Variants in DUOX1 observed in about 807,000 individuals in gnomAD.
DUOX1 encodes the protein NADPH thyroid oxidase 1.
In DUOX1, 134 loss-of-function variants were observed where a neutral mutation model predicts 181.8. The observed-to-expected ratio is 0.74, with a 90% CI of 0.64 to 0.85. DUOX1 has a LOEUF of 0.85. Ranked by LOEUF, DUOX1 falls within the 40% of genes least tolerant of loss-of-function variation. The pLI, the probability that DUOX1 is intolerant of heterozygous loss-of-function variation, is 0.00. For missense variants in DUOX1, 1,814 were observed against 2,064.4 expected, an observed-to-expected ratio of 0.88 and a Z score of 2.35; for synonymous variants, 798 against 832.5, an observed-to-expected ratio of 0.96 and a Z score of 0.71.
chr15:45,135,144 C>T lies in DUOX1; in HGVS notation c.348C>T (p.Pro116=), dbSNP rs776775970. ...CAGACCTGGTGAGCGTGGAAACTCC[C>T]GGCTGCCCCGCCGAGTTCCTCAACA... ...VLSDLVSVET[P]GCPAEFLNIR... is the part of the protein sequence containing the mutation. The change falls in exon 5 of 34, where the codon CCC becomes CCT. Residue 116 remains proline (P), a synonymous_variant. Coordinates refer to ENST00000389037, the MANE Select transcript of DUOX1 (RefSeq NM_175940.3). 1.2e-5 allele frequency: 20 copies of T among 1,613,618 alleles called. No individual in the cohort carries two copies. The Admixed American group carries it at 3.2e-4, about 26-fold the overall frequency.
chr15:45,152,332 C>A lies in DUOX1; in HGVS notation c.3240C>A (p.Arg1080=), dbSNP rs566850299. 1 of 1,614,084 alleles carries A rather than the reference C, an allele frequency of 6.2e-7. No individual in the cohort carries two copies. The highest frequency in any genetic ancestry group is 8.5e-7 in the Non-Finnish European group (1 of 1,180,036). ...ACACGGGCATCACAGACACCACCCG[C>A]GTGGGAATCATCCTGTCGCGGGGCA... ...AHHTGITDTT[R]VGIILSRGTA... The change falls in exon 25 of 34, where the codon CGC becomes CGA. Residue 1080 remains arginine, a synonymous_variant. Coordinates refer to ENST00000389037, the MANE Select transcript of DUOX1 (RefSeq NM_175940.3).
At chr15:45,147,841 G>A (rs914699923) in intron 19 of DUOX1, 63 bp from the exon 20 acceptor site, 11 of 1,538,554 alleles carry the variant, frequency 7.1e-6, no homozygotes, top group Non-Finnish European at 9.9e-6. Context: ...GGCCCCTTTT[G>A]GCCAGCCTGG....
At chr15:45,156,494 ATGAT>A (rs1896972696) in intron 28 of DUOX1, among the ~76,000 whole-genome samples, 1 of 152,114 alleles carries the variant, frequency 6.6e-6, no homozygotes, top group Non-Finnish European at 1.5e-5. Flanking sequence ...GTGCAATGGC[ATGAT>A]CTCAACTCAC....
intron 13 of DUOX1, 47 bp downstream of exon 13, chr15:45,141,117 C>A: frequency 6.2e-7 from 1 of 1,610,230 alleles, no homozygotes; most frequent in Non-Finnish European, 8.5e-7. Flanking sequence ...CGGCCTGGGC[C>A]CCAGACCCTC....
At position 45,151,905 on chromosome 15, in the gene DUOX1, G is replaced by A. The variant is rs1238088833; in HGVS notation, c.3046G>A (p.Glu1016Lys). 1 of 1,613,830 alleles carries A rather than the reference G, an allele frequency of 6.2e-7. No homozygotes were observed. Among genetic ancestry groups the A allele is most frequent in the Admixed American group, 1.7e-5 (1 of 59,956 alleles). The change falls in exon 24 of 34, where the codon GAG (glutamate) becomes AAG (lysine). Residue 1016 changes from glutamate to lysine, a missense_variant. Physicochemically the swap from Glu to Lys is moderately conservative, Grantham distance 56. Around this residue, in one of 5 missense-constraint regions of DUOX1, gnomAD observed 1,064 missense variants for 1,152.9 expected, o/e 0.92. Transcript: ENST00000389037. Reference protein sequence around the residue: ...VTSFQPLLFTEAHREKFQRSC... With the variant: ...VTSFQPLLFTKAHREKFQRSC... ...GTCATTCCAGCCCTTGCTGTTCACT[G>A]AGGCGCACCGAGAGAAGTTCCAACG...
intron 20 of DUOX1, 126 bp downstream of exon 20, chr15:45,148,123 G>A: frequency 7.0e-7 from 1 of 1,429,712 alleles, no homozygotes; most frequent in Admixed American, 1.8e-5. Flanking sequence ...GTAACCAGAG[G>A]CTGTTCAAAC....
chr15:45,159,542 G>A lies in DUOX1; in HGVS notation c.3703-1295G>A, dbSNP rs555589520. On this transcript the variant is annotated intron_variant, in intron 28 of 33. Transcript: ENST00000389037. ...GTCCTAAGGAGAGGTGGACGCAGAAGTCAAACTGAGCCAGACTCAGGAGCA... is the reference window on the plus strand; with the variant it reads ...GTCCTAAGGAGAGGTGGACGCAGAAATCAAACTGAGCCAGACTCAGGAGCA... Among the ~76,000 whole-genome samples the A allele has an allele frequency of 9.3e-4, 141 of 152,332 alleles. 2 individuals carry two copies. The South Asian group carries it at 0.028, about 30-fold the overall frequency.
intron 31 of DUOX1, among the ~76,000 whole-genome samples, chr15:45,163,138 C>G (rs913538649): frequency 6.6e-6 from 1 of 152,258 alleles, no homozygotes; most frequent in Non-Finnish European, 1.5e-5. Flanking sequence ...CCATTCCCAT[C>G]TGCTCAGGCA....
chr15:45,152,592 C>G (rs772358431), intron 25 of DUOX1, 76 bp downstream of exon 25: 2 of 1,339,702 alleles, frequency 1.5e-6, no homozygotes, highest in Middle Eastern at 1.8e-4. Context: ...GAGAGCCCCC[C>G]TCTCTGCTGG....
rs777637924 is a variant in DUOX1, at chr15:45,140,904, GC to G, written c.1401del (p.Thr468GlnfsTer12). ...LSRSNDTVLE[A>X]TAALYNQDLS... The stretch of plus-strand genomic sequence containing the variant: ...CCCTTCTTGGTTCCAGGTACTGGAG[GC>G]CACAGCTGCCCTGTACAACCAGGAC... On this transcript the variant is annotated frameshift_variant, in exon 13 of 34. Transcript: ENST00000389037. LOFTEE classifies it high-confidence loss of function. 1 of 1,613,886 alleles carries G rather than the reference GC, an allele frequency of 6.2e-7. No individual in the cohort carries two copies. The highest frequency in any genetic ancestry group is 1.7e-5 in the Admixed American group (1 of 60,006).
intron 25 of DUOX1, 66 bp from the exon 26 acceptor site, chr15:45,153,314 G>C: frequency 7.7e-7 from 1 of 1,306,270 alleles, no homozygotes; most frequent in Non-Finnish European, 1.1e-6. Context: ...CCTCGATCTT[G>C]GGCTGAATGA....
chr15:45,163,487 A>T, intron 31 of DUOX1, 45 bp from the exon 32 acceptor site: 1 of 1,611,114 alleles, frequency 6.2e-7, no homozygotes, highest in Non-Finnish European at 8.5e-7. Flanking sequence ...GGGTTTAGGG[A>T]GACTGAGCTG....
chr15:45,145,079 A>G lies in DUOX1; in HGVS notation c.2321A>G (p.Gln774Arg), dbSNP rs1276809508. ...ACCTTTTTCAGGCACCTTTTCTCCC[A>G]GGTGTGTACATGGGACCAGATCAAT... ...LETFFRHLFS[Q>R]VLDINQADAG... The change falls in exon 18 of 34, where the codon CAG becomes CGG. Residue 774 changes from glutamine (Q) to arginine (R), a missense_variant and splice_region_variant. Transcript: ENST00000389037. 6.2e-7 allele frequency: 1 copy of G among 1,600,160 alleles called. No homozygotes were observed. Among genetic ancestry groups the G allele is most frequent in the Non-Finnish European group, 8.5e-7 (1 of 1,173,390 alleles).
In DUOX1 at chr15:45,153,482, G is replaced by A. The variant is rs1159973588; in HGVS notation, c.3524+3G>A. ...CCTGGCCTCTTCCATGATGATGGGT[G>A]AGTAAGTGCGAATGTGTGTGTGTGT... On this transcript the variant is annotated splice_donor_region_variant and intron_variant, in intron 26 of 33. Coordinates refer to ENST00000389037, the MANE Select transcript of DUOX1 (RefSeq NM_175940.3). 1.3e-6 allele frequency: 2 copies of A among 1,587,918 alleles called. No individual in the cohort carries two copies. Among genetic ancestry groups the A allele is most frequent in the Non-Finnish European group, 1.7e-6 (2 of 1,158,156 alleles).
chr15:45,151,710 T>G, intron 23 of DUOX1, 164 bp from the exon 24 acceptor site: 1 of 696,216 alleles, frequency 1.4e-6, no homozygotes, highest in Non-Finnish European at 2.4e-6. Flanking sequence ...CAATATAGCC[T>G]GATGCGGTGA....
At position 45,152,493 on chromosome 15, in the gene DUOX1, C is replaced by A; in HGVS notation, c.3401C>A (p.Ala1134Asp). Reference protein sequence around the residue: ...DAAVDFHRLIASTAIVLTVLH... With the variant: ...DAAVDFHRLIDSTAIVLTVLH... ...GCCGTGGACTTCCATCGCCTCATTG[C>A]CTCCACCGCCATCGTCCTCACAGGC... Residue 1134 changes from alanine to aspartate, a missense_variant, in exon 25 of 34, where the codon GCC becomes GAC. This residue lies in a region of DUOX1 where 1,064 missense variants were observed against 1,152.9 expected (regional missense o/e 0.92). Coordinates refer to ENST00000389037, the MANE Select transcript of DUOX1 (RefSeq NM_175940.3). 6.2e-7 allele frequency: 1 copy of A among 1,614,102 alleles called. No homozygotes were observed. Among genetic ancestry groups the A allele is most frequent in the Non-Finnish European group, 8.5e-7 (1 of 1,180,026 alleles).
At position 45,139,553 on chromosome 15, in the gene DUOX1, C is replaced by T. The variant is rs1473145973; in HGVS notation, c.1343C>T (p.Thr448Ile). ...ARAALGLSPITRWQDINPALS... is the reference protein window; with the variant it reads ...ARAALGLSPIIRWQDINPALS... The stretch of plus-strand genomic sequence containing the variant: ...GCAGCACTGGGCTTGTCTCCCATTA[C>T]CCGCTGGCAGGACATCAACCCTGCA... The change falls in exon 12 of 34, where the codon ACC (threonine) becomes ATC (isoleucine). Residue 448 changes from threonine (T) to isoleucine (I), a missense_variant. Transcript: ENST00000389037. 2 of 1,611,744 alleles carry T rather than the reference C, an allele frequency of 1.2e-6. No individual in the cohort carries two copies. The highest frequency in any genetic ancestry group is 2.2e-5 in the East Asian group (1 of 44,862).
chr15:45,161,874 G>T lies in DUOX1; in HGVS notation c.3993G>T (p.Thr1331=), dbSNP rs139578501. ...TGACCTCTGCGCCCCATGAGGACAC[G>T]CTTAGCCTGCACATCCGGGCAGCAG... ...FTLTSAPHED[T]LSLHIRAAGP... Residue 1331 remains threonine (T), a synonymous_variant, in exon 30 of 34, where the codon ACG becomes ACT. Transcript: ENST00000389037. The T allele has an allele frequency of 6.2e-7, 1 of 1,613,798 alleles. No individual in the cohort carries two copies. The highest frequency in any genetic ancestry group is 8.5e-7 in the Non-Finnish European group (1 of 1,179,962).
chr15:45,148,629 T>G, intron 21 of DUOX1, 182 bp downstream of exon 21: 1 of 436,500 alleles, frequency 2.3e-6, no homozygotes, highest in Non-Finnish European at 3.7e-6. Flanking sequence ...ATCAACATAA[T>G]TATACAATAT....
Sources: allele counts gnomAD v4.1 joint callset (sites outside exome capture counted in the v4.1 genomes callset), GRCh38; gene constraint gnomAD v4.1.1; regional missense constraint gnomAD v4.1.1; transcripts MANE v1.5; gene names NCBI Gene and HGNC (gene_info 2026-07-23, HGNC 2026-07-21).